FBXO39: variants seen among roughly 807,000 people sequenced by gnomAD.
FBXO39 encodes F-box protein 39.
FBXO39 carries 22 observed loss-of-function variants against 36.6 expected under a neutral mutation model. The ratio of observed to expected loss-of-function variants is 0.60; its 90% CI spans 0.43 to 0.86. The LOEUF (loss-of-function observed/expected upper bound fraction) is 0.86, where lower values mean the gene tolerates loss of function less well. Among genes scored for constraint, FBXO39 ranks in the 40% least tolerant of loss-of-function variants. The pLI is 0.00. For synonymous variants in FBXO39, 206 were observed against 205.8 expected (o/e 1.00, Z -0.01); for missense variants, 536 against 543.9 (o/e 0.99, Z 0.14).
At chr17:6,780,932 TG>T in intron 2 of FBXO39, 41 bp downstream of exon 2, 1 of 1,566,918 alleles carries the variant, frequency 6.4e-7, no homozygotes, top group Non-Finnish European at 8.6e-7. Context: ...TTCAGGTGAC[TG>T]GCTTCCCCAG....
intron 1 of FBXO39, 92 bp from the exon 2 acceptor site, chr17:6,779,697 G>A (rs1976478920): frequency 3.0e-6 from 2 of 657,812 alleles, no homozygotes; most frequent in African/African-American, 3.6e-5. Flanking sequence ...CTGGCACAGT[G>A]CCTAATGCAC....
intron 2 of FBXO39, among the ~76,000 whole-genome samples, chr17:6,782,192 T>C (rs776484296): frequency 2.6e-5 from 4 of 152,196 alleles, no homozygotes; most frequent in Non-Finnish European, 4.4e-5. Context: ...GTTTATGCAA[T>C]AGTGTTAAGT....
chr17:6,787,384 G>C lies in FBXO39; in HGVS notation c.1285G>C (p.Glu429Gln), dbSNP rs775055409. 6.2e-7 allele frequency: 1 copy of C among 1,614,038 alleles called. No homozygotes were observed. The highest frequency in any genetic ancestry group is 8.5e-7 in the Non-Finnish European group (1 of 1,179,972). Residue 429 changes from glutamate to glutamine, a missense_variant, in exon 4 of 4, where the codon GAA becomes CAA. Physicochemically the swap from Glu to Gln is conservative, Grantham distance 29. Transcript: ENST00000321535. ...TTACAGGAAGTACAGAAAGCTGATC[G>C]AATCAGAGCTTAGCTATTTTGTCAT... ...EIYRKYRKLI[E>Q]SELSYFVIVY...
At chr17:6,777,202 A>G (rs1306027011) in intron 1 of FBXO39, among the ~76,000 whole-genome samples, 4 of 152,122 alleles carry the variant, frequency 2.6e-5, no homozygotes, top group African/African-American at 9.6e-5. Context: ...TCAACCTGTC[A>G]TCTAGAATTT....
Position 6,787,619 on chromosome 17 carries a change from G to A in FBXO39, c.*191G>A, listed in dbSNP as rs2151576106. On this transcript the variant is annotated 3_prime_UTR_variant, in exon 4 of 4. Coordinates refer to ENST00000321535, the MANE Select transcript of FBXO39 (RefSeq NM_153230.3). ...TGCCCATGACCTGAAGGCTCCAGGT[G>A]GCTTTAAAGCGCTATGTTTACCAAC... 3.6e-6 allele frequency: 2 copies of A among 549,036 alleles called. No homozygotes were observed. The highest frequency in any genetic ancestry group is 6.3e-6 in the Non-Finnish European group (2 of 318,518). 34.0% of individuals were successfully genotyped at this position (549,036 alleles called of 1,614,324 possible). A position where few individuals can be genotyped will look rare whatever the true frequency, so the allele number is the denominator to read the frequency against.
In FBXO39 at chr17:6,780,462, C is replaced by A; in HGVS notation, c.594C>A (p.Leu198=). ...GGAATGAGAATGTGATCTCAGAGCT[C>A]AACATCGAGGACTATTTCAGCCATC... ...YMRNENVISE[L]NIEDYFSHHL... Residue 198 remains leucine (L), a synonymous_variant, in exon 2 of 4, where the codon CTC becomes CTA. Coordinates refer to ENST00000321535, the MANE Select transcript of FBXO39 (RefSeq NM_153230.3). 6.2e-7 allele frequency: 1 copy of A among 1,614,138 alleles called. No individual in the cohort carries two copies. The highest frequency in any genetic ancestry group is 2.2e-5 in the East Asian group (1 of 44,866).
intron 1 of FBXO39, among the ~76,000 whole-genome samples, chr17:6,777,561 T>C (rs988836135): frequency 2.6e-5 from 4 of 152,258 alleles, no homozygotes; most frequent in Admixed American, 2.6e-4. Context: ...GCTTTTAAAC[T>C]GGTTTATCTC....
chr17:6,783,142 A>C (rs1976529054), intron 2 of FBXO39, among the ~76,000 whole-genome samples: 1 of 152,214 alleles, frequency 6.6e-6, no homozygotes, highest in African/African-American at 2.4e-5. Flanking sequence ...GAAGACATGG[A>C]AATTAAACAA....
rs146735763 is a variant in FBXO39 at position 6,780,645 on chromosome 17, C to T, written c.777C>T (p.His259=). The change falls in exon 2 of 4, where the codon CAC becomes CAT. Residue 259 remains histidine, a synonymous_variant. Coordinates refer to ENST00000321535, the MANE Select transcript of FBXO39 (RefSeq NM_153230.3). Reference sequence around the variant, plus strand: ...TCCGGACCATCAACATCAAATGCCACGTTCATGACCCCCACGGACAGGTCA... The same window carrying T: ...TCCGGACCATCAACATCAAATGCCATGTTCATGACCCCCACGGACAGGTCA... The part of the protein sequence containing the change: ...STLRTINIKC[H]VHDPHGQVIW... 1.9e-5 allele frequency: 30 copies of T among 1,613,998 alleles called. No homozygotes were observed. The highest frequency in any genetic ancestry group is 9.9e-5 in the South Asian group (9 of 91,082).
Position 6,787,457 on chromosome 17 carries a change from G to A in FBXO39, c.*29G>A. On this transcript the variant is annotated 3_prime_UTR_variant, in exon 4 of 4. Coordinates refer to ENST00000321535, the MANE Select transcript of FBXO39 (RefSeq NM_153230.3). ...GCACTCTACAGATGAAGAAAGCTGG[G>A]AGCACTTTGAACTTGAAAATCATTT... 1.2e-6 allele frequency: 2 copies of A among 1,611,862 alleles called. No homozygotes were observed. The highest frequency in any genetic ancestry group is 2.2e-5 in the East Asian group (1 of 44,828).
At position 6,779,868 on chromosome 17, in the gene FBXO39, G is replaced by A; in HGVS notation, c.-1G>A. On this transcript the variant is annotated 5_prime_UTR_variant, in exon 2 of 4. Coordinates refer to ENST00000321535, the MANE Select transcript of FBXO39 (RefSeq NM_153230.3). ...GCTGCACTGTACATCCCAGTTCCTG[G>A]ATGGACGAAGAAAGTGAACTGATCC... is the stretch of plus-strand genomic sequence containing the variant. 2 of 1,613,822 alleles carry A rather than the reference G, an allele frequency of 1.2e-6. No homozygotes were observed. Among genetic ancestry groups the A allele is most frequent in the South Asian group, 1.1e-5 (1 of 91,066 alleles).
chr17:6,786,454 T>C (rs1976571608), intron 2 of FBXO39, among the ~76,000 whole-genome samples: 1 of 152,158 alleles, frequency 6.6e-6, no homozygotes, highest in African/African-American at 2.4e-5. Flanking sequence ...AGGGTGTCTA[T>C]AGTCAATCAT....
rs1976473101 is a variant in FBXO39 at position 6,779,294 on chromosome 17, G to C, written c.-80-495G>C. Among the ~76,000 whole-genome samples, 3 of 152,116 alleles carry C rather than the reference G, an allele frequency of 2.0e-5. 1 individual carries two copies. Among genetic ancestry groups the C allele is most frequent in the African/African-American group, 7.2e-5 (3 of 41,416 alleles). On this transcript the variant is annotated intron_variant, in intron 1 of 3. Coordinates refer to ENST00000321535, the MANE Select transcript of FBXO39 (RefSeq NM_153230.3). ...GCCCACTTAACAAGTTAAGTGCCAG[G>C]TGACCAAACCATTTTTAGCTCCCTG... is the stretch of plus-strand genomic sequence containing the variant.
chr17:6,784,929 A>ATGTG lies in FBXO39; in HGVS notation c.1024-1829_1024-1826dup, dbSNP rs3071470. Among the ~76,000 whole-genome samples the ATGTG allele has an allele frequency of 8.1e-5, 11 of 136,306 alleles. 1 individual carries two copies. The highest frequency in any genetic ancestry group is 4.5e-4 in the South Asian group (2 of 4,476). The allele number at this position is 136,306 out of a possible 152,430, so 89.4% of individuals were successfully genotyped here. ...AAGAATCTTAAATTTATATATATATATGTGTGTGTGTGTGTGTGTGTGTGT... is the reference window on the plus strand; with the variant it reads ...AAGAATCTTAAATTTATATATATATATGTGTGTGTGTGTGTGTGTGTGTGTGTGT... On this transcript the variant is annotated intron_variant, in intron 2 of 3. Transcript: ENST00000321535.
intron 2 of FBXO39, 62 bp downstream of exon 2, chr17:6,780,953 C>A: frequency 1.3e-6 from 2 of 1,504,752 alleles, no homozygotes; most frequent in South Asian, 1.2e-5. Flanking sequence ...GAAGAAAGCC[C>A]ACTGCTGCCT....
In FBXO39 at chr17:6,780,351, C is replaced by T. The variant is rs377688513; in HGVS notation, c.483C>T (p.Gly161=). ...TGAGCTTCTTCTTAAAGAAGATGGG[C>T]AAACGCCTGGATTATCTCAACCTAA... ...SSLSFFLKKM[G]KRLDYLNLKG... The change falls in exon 2 of 4, where the codon GGC becomes GGT. Residue 161 remains glycine, a synonymous_variant. Transcript: ENST00000321535. The T allele has an allele frequency of 1.5e-5, 24 of 1,613,988 alleles. No homozygotes were observed. Among genetic ancestry groups the T allele is most frequent in the Non-Finnish European group, 1.9e-5 (22 of 1,180,048 alleles).
At chr17:6,784,269 C>T (rs1976540564) in intron 2 of FBXO39, among the ~76,000 whole-genome samples, 1 of 151,954 alleles carries the variant, frequency 6.6e-6, no homozygotes, top group South Asian at 2.1e-4. Flanking sequence ...TACCTCAATA[C>T]AATAAAAGCC....
chr17:6,777,640 T>C (rs1976449268), intron 1 of FBXO39, among the ~76,000 whole-genome samples: 1 of 152,174 alleles, frequency 6.6e-6, no homozygotes, highest in African/African-American at 2.4e-5. Context: ...TTGGGCAGTT[T>C]GCAAGTGATT....
rs1331240836 is a variant in FBXO39 at position 6,779,861 on chromosome 17, G to C, written c.-8G>C. Reference sequence around the variant, plus strand: ...ACACACAGCTGCACTGTACATCCCAGTTCCTGGATGGACGAAGAAAGTGAA... The same window carrying C: ...ACACACAGCTGCACTGTACATCCCACTTCCTGGATGGACGAAGAAAGTGAA... On this transcript the variant is annotated 5_prime_UTR_variant, in exon 2 of 4. Coordinates refer to ENST00000321535, the MANE Select transcript of FBXO39 (RefSeq NM_153230.3). The C allele has an allele frequency of 6.2e-7, 1 of 1,613,506 alleles. No individual in the cohort carries two copies. Among genetic ancestry groups the C allele is most frequent in the South Asian group, 1.1e-5 (1 of 91,042 alleles).
Sources: gnomAD v4.1 joint callset for allele counts (sites outside exome capture counted in the v4.1 genomes callset) on GRCh38, gnomAD v4.1.1 for gene constraint, MANE v1.5 for transcripts, NCBI Gene and HGNC (gene_info 2026-07-23, HGNC 2026-07-21) for gene names.